Variants in COL4A6 observed in about 807,000 individuals in gnomAD.
The protein encoded by COL4A6 is collagen alpha-6(IV) chain.
Under a neutral mutation model 126.7 loss-of-function variants are expected in COL4A6, and 59 were observed. The observed-to-expected ratio is 0.47, with a 90% confidence interval of 0.38 to 0.58. The LOEUF (loss-of-function observed/expected upper bound fraction) is 0.58. Among genes scored for constraint, COL4A6 ranks in the 20% least tolerant of loss-of-function variants. COL4A6 has a pLI of 0.00. For synonymous variants in COL4A6, 547 were observed against 496.6 expected (o/e 1.10, Z -1.35); for missense variants, 1,285 against 1,337.3 (o/e 0.96, Z 0.61).
intron 5 of COL4A6, among the ~76,000 whole-genome samples, chrX:108,219,378 G>T (rs1204449610): frequency 8.9e-6 from 1 of 111,878 alleles, no homozygotes; most frequent in Non-Finnish European, 1.9e-5. Context: ...ATGTGGCTCT[G>T]TCTTTACACC....
At chrX:108,438,143 G>T in intron 1 of COL4A6, 43 bp downstream of exon 1, 2 of 1,210,173 alleles carry the variant, frequency 1.7e-6, no homozygotes, top group Non-Finnish European at 2.2e-6. Flanking sequence ...AAAGTAACCC[G>T]AAGTAAGAAA....
intron 3 of COL4A6, among the ~76,000 whole-genome samples, chrX:108,298,844 C>T (rs1412223921): frequency 5.4e-5 from 6 of 110,163 alleles, no homozygotes; most frequent in African/African-American, 9.9e-5. Flanking sequence ...GAGGGAGAGA[C>T]GGGCTTCTAT....
intron 3 of COL4A6, among the ~76,000 whole-genome samples, chrX:108,281,467 T>A (rs1316556661): frequency 9.8e-6 from 1 of 101,572 alleles, no homozygotes; most frequent in Non-Finnish European, 2.0e-5. Flanking sequence ...CAAGGAGAAC[T>A]ACAAACCACT....
intron 42 of COL4A6, among the ~76,000 whole-genome samples, chrX:108,161,281 A>T (rs764774302): frequency 9.0e-6 from 1 of 111,575 alleles, no homozygotes; most frequent in Non-Finnish European, 1.9e-5. Flanking sequence ...TCCCCCTCTC[A>T]TGTGTGTCAG....
chrX:108,405,866 A>G (rs1775205199), intron 2 of COL4A6, among the ~76,000 whole-genome samples: 1 of 111,851 alleles, frequency 8.9e-6, no homozygotes, highest in Admixed American at 9.5e-5. Flanking sequence ...ACTGTCATTG[A>G]TATCACTAAG....
At chrX:108,202,611 C>T (rs2035417913) in intron 13 of COL4A6, among the ~76,000 whole-genome samples, 1 of 111,703 alleles carries the variant, frequency 9.0e-6, no homozygotes, top group African/African-American at 3.3e-5. Flanking sequence ...GGTTAGGAAA[C>T]TGAGGCTCAG....
At chrX:108,183,885 C>T in intron 23 of COL4A6, 1 of 369,898 alleles carries the variant, frequency 2.7e-6, no homozygotes. Flanking sequence ...CTTGTCTGAA[C>T]TTAGTGGAGA....
At chrX:108,206,480 A>T in intron 9 of COL4A6, 38 bp downstream of exon 9, 1 of 1,161,170 alleles carries the variant, frequency 8.6e-7, no homozygotes, top group African/African-American at 1.8e-5. Context: ...CAACCATGTG[A>T]ACACTGTGAT....
At chrX:108,219,204 G>A (rs2035943035) in intron 5 of COL4A6, among the ~76,000 whole-genome samples, 1 of 112,512 alleles carries the variant, frequency 8.9e-6, no homozygotes, top group Non-Finnish European at 1.9e-5. Flanking sequence ...GTGATCTTTG[G>A]AGTAGTCACT....
At chrX:108,255,094 G>C (rs770395784) in intron 3 of COL4A6, among the ~76,000 whole-genome samples, 1 of 98,386 alleles carries the variant, frequency 1.0e-5, no homozygotes, top group Non-Finnish European at 2.0e-5. Flanking sequence ...GAAGCCTTAA[G>C]AAGGCTCTAC....
chrX:108,422,919 A>G (rs1257119864), intron 2 of COL4A6, among the ~76,000 whole-genome samples: 2 of 111,855 alleles, frequency 1.8e-5, no homozygotes, highest in East Asian at 5.6e-4. Flanking sequence ...ATTTGGCAGG[A>G]CAGAAAAACA....
chrX:108,340,293 GAAATTTAAATACTATTTTATTTTT>G (rs2039527985), intron 2 of COL4A6, among the ~76,000 whole-genome samples: 1 of 111,353 alleles, frequency 9.0e-6, no homozygotes, highest in Non-Finnish European at 1.9e-5. Flanking sequence ...CTGAGGAGCT[GAAATTTAAATACTATTTTATTTTT>G]AAATTTTAAT....
intron 3 of COL4A6, among the ~76,000 whole-genome samples, chrX:108,253,863 C>A (rs1322451469): frequency 9.0e-6 from 1 of 111,688 alleles, no homozygotes; most frequent in Admixed American, 9.5e-5. Flanking sequence ...TGTCAGATAG[C>A]CCATTACTTT....
In COL4A6 at chrX:108,187,212, G is replaced by C; in HGVS notation, c.1835C>G (p.Pro612Arg). The change falls in exon 23 of 45, where the codon CCT becomes CGT. Residue 612 changes from proline (P) to arginine (R), a missense_variant. By Grantham distance (103) the Pro-to-Arg change is moderately radical. Transcript: ENST00000334504. ...LPGLPGEKGH[P>R]GPPGLPGNGL... ...ATTTCCTGGGAGGCCAGGTGGACCA[G>C]GATGGCCTTTTTCACCAGGAAGTCC... is the stretch of plus-strand genomic sequence containing the variant. 8.4e-7 allele frequency: 1 copy of C among 1,194,924 alleles called. No individual in the cohort carries two copies. The highest frequency in any genetic ancestry group is 1.7e-5 in the African/African-American group (1 of 57,474).
intron 13 of COL4A6, among the ~76,000 whole-genome samples, chrX:108,197,394 C>A (rs1314461176): frequency 8.9e-6 from 1 of 112,164 alleles, no homozygotes; most frequent in African/African-American, 3.2e-5. Flanking sequence ...TAGTTCAGTA[C>A]TAAAGTGAAT....
In COL4A6 at chrX:108,156,932, A is replaced by G; in HGVS notation, c.*68T>C. The G allele has an allele frequency of 9.3e-7, 1 of 1,075,236 alleles. No individual in the cohort carries two copies. The highest frequency in any genetic ancestry group is 1.3e-6 in the Non-Finnish European group (1 of 783,186). The allele number at this position is 1,075,236 out of a possible 1,213,427, so 88.6% of individuals were successfully genotyped here. A position where few individuals can be genotyped will look rare whatever the true frequency, so the allele number is the denominator to read the frequency against. ...GGCTCAGGCCTTCCTTCTTCAGACC[A>G]TTCAGGTTTGTGAGGTGACTGTTGT... On this transcript the variant is annotated 3_prime_UTR_variant, in exon 45 of 45. Transcript: ENST00000334504.
rs747059537 is a variant in COL4A6, at chrX:108,187,912, C to T, written c.1703G>A (p.Arg568His). The T allele has an allele frequency of 7.4e-6, 9 of 1,209,904 alleles. No individual in the cohort carries two copies. The highest frequency in any genetic ancestry group is 2.2e-5 in the Admixed American group (1 of 46,024). ...DRGDSGSQGFRGVIGEPGKDG... is the reference protein window; with the variant it reads ...DRGDSGSQGFHGVIGEPGKDG... The stretch of plus-strand genomic sequence containing the variant: ...CTTGCCTGGTTCTCCTATTACACCA[C>T]GGAAGCCCTGGGAGCCAGAATCACC... Residue 568 changes from arginine to histidine, a missense_variant, in exon 22 of 45, where the codon CGT (arginine) becomes CAT (histidine). Transcript: ENST00000334504.
intron 2 of COL4A6, among the ~76,000 whole-genome samples, chrX:108,374,399 G>C (rs2040393758): frequency 1.8e-5 from 2 of 112,107 alleles, no homozygotes; most frequent in Admixed American, 1.9e-4. Flanking sequence ...GCCTAAAGCT[G>C]TCCAAGGAAT....
At chrX:108,204,630 G>A (rs935092241) in intron 11 of COL4A6, 3 of 485,151 alleles carry the variant, frequency 6.2e-6, no homozygotes, top group Non-Finnish European at 1.1e-5. Flanking sequence ...AGAGGGAAGA[G>A]CAAGATGGAT....
Sources: allele counts gnomAD v4.1 joint callset (sites outside exome capture counted in the v4.1 genomes callset), GRCh38; gene constraint gnomAD v4.1.1; transcripts MANE v1.5; gene names NCBI Gene and HGNC (gene_info 2026-07-23, HGNC 2026-07-21).